The following USP28 variants were observed in gnomAD, a reference collection of about 807,000 sequenced individuals.
The protein encoded by USP28 is ubiquitin carboxyl-terminal hydrolase 28.
Under a neutral mutation model 145.0 loss-of-function variants are expected in USP28, and 113 were observed. That is an observed-to-expected ratio of 0.78 (90% confidence interval 0.67 to 0.91). USP28 has a LOEUF of 0.91. Among genes scored for constraint, USP28 ranks in the 40% least tolerant of loss-of-function variants. The pLI is 0.00. For missense variants in USP28, 1,201 were observed against 1,289.6 expected (o/e 0.93, Z 1.05); for synonymous variants, 447 against 450.9 (o/e 0.99, Z 0.11).
chr11:113,831,924 C>G, exon 8 of USP28: 2 of 1,613,744 alleles, frequency 1.2e-6, no homozygotes, highest in Non-Finnish European at 1.7e-6. Context: ...ACTCACTTAA[C>G]ATTAACAGCT....
exon 6 of USP28, chr11:113,834,284 G>A (rs1243841776): frequency 1.2e-6 from 2 of 1,611,846 alleles, no homozygotes; most frequent in African/African-American, 1.3e-5. Context: ...ACATTTTGTG[G>A]CAGACTATAA....
chr11:113,827,062 C>A (rs1943457416), intron 11 of USP28, among the ~76,000 whole-genome samples, 171 bp downstream of exon 11: 1 of 152,008 alleles, frequency 6.6e-6, no homozygotes, highest in African/African-American at 2.4e-5. Context: ...AACATGAGCA[C>A]AACCCTGGGA....
chr11:113,874,411 G>A (rs1041999046), intron 1 of USP28: 24 of 1,051,842 alleles, frequency 2.3e-5, no homozygotes, highest in Non-Finnish European at 2.7e-5. Flanking sequence ...GGCAACAGAG[G>A]GAGACTCTGT....
intron 16 of USP28, among the ~76,000 whole-genome samples, chr11:113,810,822 G>A (rs1258797075): frequency 6.6e-6 from 1 of 152,176 alleles, no homozygotes; most frequent in African/African-American, 2.4e-5. Flanking sequence ...TTACAGGTGT[G>A]TGCCACCATG....
chr11:113,813,932 T>C, exon 15 of USP28: 1 of 1,610,092 alleles, frequency 6.2e-7, no homozygotes, highest in South Asian at 1.1e-5. Flanking sequence ...GTCTGAGTAG[T>C]ACTTGCAATA....
intron 2 of USP28, among the ~76,000 whole-genome samples, chr11:113,853,082 C>A (rs1312877631): frequency 6.6e-6 from 1 of 152,052 alleles, no homozygotes; most frequent in African/African-American, 2.4e-5. Flanking sequence ...GCGGGCAGAT[C>A]GCTTGAGCCC....
chr11:113,864,190 A>T (rs34353790), intron 1 of USP28, among the ~76,000 whole-genome samples: 9,835 of 150,908 alleles, frequency 0.065, 433 homozygotes, highest in Non-Finnish European at 0.09. Flanking sequence ...GCAGTGAGCC[A>T]AGATCTCACC....
At chr11:113,875,350 TCCGCAGC>T (rs1411240064) in intron 1 of USP28, 88 bp downstream of exon 1, 6 of 1,045,790 alleles carry the variant, frequency 5.7e-6, no homozygotes, top group African/African-American at 1.7e-5. Context: ...CGGGGCGCCC[TCCGCAGC>T]CCGCAACCCG....
intron 1 of USP28, among the ~76,000 whole-genome samples, chr11:113,857,377 G>A (rs1235171785): frequency 6.6e-6 from 1 of 152,106 alleles, no homozygotes; most frequent in Non-Finnish European, 1.5e-5. Flanking sequence ...TAAATATTTT[G>A]CTTCATATAA....
intron 12 of USP28, among the ~76,000 whole-genome samples, chr11:113,819,893 A>G (rs1942347181): frequency 6.6e-6 from 1 of 152,102 alleles, no homozygotes; most frequent in Admixed American, 6.6e-5. Context: ...CTAATTCTGT[A>G]TTTTTAGTAG....
At chr11:113,855,242 C>T (rs972219688) in intron 1 of USP28, among the ~76,000 whole-genome samples, 7 of 152,068 alleles carry the variant, frequency 4.6e-5, no homozygotes, top group Admixed American at 4.6e-4. Context: ...TTCCAGCTAA[C>T]ACAAAATCAG....
chr11:113,872,215 T>A (rs1468751211), intron 1 of USP28, among the ~76,000 whole-genome samples: 1 of 152,214 alleles, frequency 6.6e-6, no homozygotes, highest in Non-Finnish European at 1.5e-5. Context: ...GGTAAGATGC[T>A]ATTTGCCAGT....
intron 22 of USP28, 23 bp downstream of exon 23, chr11:113,803,775 G>A: frequency 6.3e-7 from 1 of 1,594,410 alleles, no homozygotes; most frequent in South Asian, 1.1e-5. Flanking sequence ...TAATAATCTT[G>A]GTAAAATAAA....
chr11:113,835,382 G>A (rs1490981555), intron 5 of USP28: 1 of 454,660 alleles, frequency 2.2e-6, no homozygotes. Flanking sequence ...ACAGCTTCTT[G>A]GTATTCTAAA....
At chr11:113,873,263 A>T (rs1051462632) in intron 1 of USP28, among the ~76,000 whole-genome samples, 1 of 152,204 alleles carries the variant, frequency 6.6e-6, no homozygotes, top group African/African-American at 2.4e-5. Context: ...AACTTGAAGC[A>T]TTTTATTAGC....
Position 113,813,884 on chromosome 11 carries a change from C to T in USP28, c.1743+1G>A. The T allele has an allele frequency of 6.2e-7, 1 of 1,611,932 alleles. No individual in the cohort carries two copies. The highest frequency in any genetic ancestry group is 8.5e-7 in the Non-Finnish European group (1 of 1,178,640). On this transcript the variant is annotated splice_donor_variant, in intron 15 of 24. Transcript: ENST00000003302. LOFTEE classifies it high-confidence loss of function. ...TACTTTCCCATCAATTTTCATTCTA[C>T]CTGACGAAGGAGAGGATCGCAGTAC...
chr11:113,851,493 A>C (rs542246435), intron 3 of USP28, among the ~76,000 whole-genome samples: 1 of 152,240 alleles, frequency 6.6e-6, no homozygotes, highest in East Asian at 1.9e-4. Flanking sequence ...CCTCCCCTGC[A>C]CATTCTTAAA....
chr11:113,807,887 A>G (rs1940287517), intron 18 of USP28, 64 bp downstream of exon 19: 15 of 963,360 alleles, frequency 1.6e-5, no homozygotes, highest in Non-Finnish European at 1.9e-5. Flanking sequence ...ACCTTAATAT[A>G]GTCACAAGAG....
At chr11:113,853,645 C>T (rs1049760692) in intron 2 of USP28, among the ~76,000 whole-genome samples, 7 of 151,898 alleles carry the variant, frequency 4.6e-5, no homozygotes, top group South Asian at 2.1e-4. Context: ...GAGGCCAGGT[C>T]GGGTGGATCA....
Sources: allele counts gnomAD v4.1 joint callset (sites outside exome capture counted in the v4.1 genomes callset), GRCh38; gene constraint gnomAD v4.1.1; transcripts MANE v1.5; gene names NCBI Gene and HGNC (gene_info 2026-07-23, HGNC 2026-07-21).